The following NALF1 variants were observed in gnomAD, a reference collection of about 807,000 sequenced individuals.
The protein encoded by NALF1 is family with sequence similarity 155 member A.
Under a neutral mutation model 48.4 loss-of-function variants are expected in NALF1, and 3 were observed. The observed-to-expected ratio is 0.06, with a 90% CI of 0.03 to 0.16. The LOEUF is 0.16. Ranked by LOEUF, NALF1 falls within the 10% of genes least tolerant of loss-of-function variation. The pLI, the probability that NALF1 is intolerant of heterozygous loss-of-function variation, is 1.00. For synonymous variants in NALF1, 262 were observed against 245.7 expected (o/e 1.07, Z -0.62); for missense variants, 526 against 571.5 (o/e 0.92, Z 0.81).
At chr13:107,310,201 G>A (rs1482954431) in intron 1 of NALF1, among the ~76,000 whole-genome samples, 1 of 152,094 alleles carries the variant, frequency 6.6e-6, no homozygotes, top group African/African-American at 2.4e-5. Context: ...CTTGAGGTCA[G>A]GAGTTCAAGA....
intron 1 of NALF1, among the ~76,000 whole-genome samples, chr13:107,527,500 C>T (rs1311974734): frequency 1.3e-5 from 2 of 152,152 alleles, no homozygotes; most frequent in African/African-American, 4.8e-5. Flanking sequence ...CAAACACAAA[C>T]ATACACGTTT....
intron 1 of NALF1, among the ~76,000 whole-genome samples, chr13:107,851,355 T>C (rs7337709): frequency 0.26 from 39,750 of 150,588 alleles, 5,262 homozygotes; most frequent in East Asian, 0.47. Flanking sequence ...TTTTTTTTTT[T>C]CTTTAAGTGG....
chr13:107,337,431 C>T (rs1006156972), intron 1 of NALF1, among the ~76,000 whole-genome samples: 3 of 151,988 alleles, frequency 2.0e-5, no homozygotes, highest in African/African-American at 2.4e-5. Flanking sequence ...TCTCTCTTTG[C>T]AATTCTTCAG....
chr13:107,822,380 T>C (rs566874650), intron 1 of NALF1, among the ~76,000 whole-genome samples: 3 of 151,604 alleles, frequency 2.0e-5, no homozygotes, highest in South Asian at 2.1e-4. Flanking sequence ...CCTTTTCCAC[T>C]ACTGCTTCTC....
At chr13:107,517,471 A>C (rs1876095855) in intron 1 of NALF1, among the ~76,000 whole-genome samples, 1 of 151,952 alleles carries the variant, frequency 6.6e-6, no homozygotes, top group Admixed American at 6.6e-5. Flanking sequence ...TCTGCAAAAA[A>C]AATACAAAAA....
At chr13:107,495,022 G>T (rs1435884538) in intron 1 of NALF1, among the ~76,000 whole-genome samples, 1 of 152,192 alleles carries the variant, frequency 6.6e-6, no homozygotes, top group Admixed American at 6.5e-5. Flanking sequence ...TTCCCAGATG[G>T]ACATAGAGGC....
chr13:107,210,557 T>A, intron 2 of NALF1, 27 bp downstream of exon 2: 3 of 1,517,160 alleles, frequency 2.0e-6, no homozygotes, highest in African/African-American at 2.7e-5. Flanking sequence ...CGGAGACTGG[T>A]GTACAGACTC....
chr13:107,306,065 T>A (rs1566480416), intron 1 of NALF1, among the ~76,000 whole-genome samples: 1 of 152,188 alleles, frequency 6.6e-6, no homozygotes, highest in Non-Finnish European at 1.5e-5. Context: ...ATCGGTGATG[T>A]GTGAATAAAA....
chr13:107,228,671 G>C (rs1188460327), intron 1 of NALF1, among the ~76,000 whole-genome samples: 1 of 152,114 alleles, frequency 6.6e-6, no homozygotes, highest in African/African-American at 2.4e-5. Context: ...CTAGGGTGGA[G>C]TACAATGGCC....
chr13:107,743,541 G>A (rs1380729128), intron 1 of NALF1, among the ~76,000 whole-genome samples: 9 of 152,190 alleles, frequency 5.9e-5, no homozygotes, highest in Non-Finnish European at 1.3e-4. Flanking sequence ...CGTTAGAGAT[G>A]ATATTTAAAG....
intron 1 of NALF1, among the ~76,000 whole-genome samples, chr13:107,363,537 T>C (rs1256120881): frequency 6.6e-6 from 1 of 152,204 alleles, no homozygotes; most frequent in African/African-American, 2.4e-5. Context: ...AGGTTGAGGC[T>C]GAAGTGAGCT....
chr13:107,298,154 C>A (rs1186444611), intron 1 of NALF1, among the ~76,000 whole-genome samples: 1 of 151,660 alleles, frequency 6.6e-6, no homozygotes, highest in Non-Finnish European at 1.5e-5. Flanking sequence ...TCGAGACCAT[C>A]CTGGCTAACA....
chr13:107,681,126 C>A (rs1881290901), intron 1 of NALF1, among the ~76,000 whole-genome samples: 1 of 152,108 alleles, frequency 6.6e-6, no homozygotes, highest in Non-Finnish European at 1.5e-5. Context: ...TGGTGCATGA[C>A]CCTATGTTAC....
rs1884060559 is a variant in NALF1 at position 107,414,950 on chromosome 13, C to T, written c.916-204195G>A. 3.3e-5 allele frequency among the ~76,000 whole-genome samples: 5 copies of T among 151,178 alleles called. No individual in the cohort carries two copies. In the South Asian group the frequency reaches 8.4e-4, roughly 25 times the overall value. On this transcript the variant is annotated intron_variant, in intron 1 of 2. Coordinates refer to ENST00000375915, the MANE Select transcript of NALF1 (RefSeq NM_001080396.3). ...AATGTGTTTACCCTTGCACAGTGTT[C>T]TAGAAGCAAGCGTTTCAAAACTTCA...
At position 107,306,517 on chromosome 13, in the gene NALF1, AG is replaced by A. The variant is rs1192023887; in HGVS notation, c.916-95763del. ...GAATAAACTGTCATTTACCGTTTTG[AG>A]GATTAAGGGAAGTGGCTCCGATCAT... On this transcript the variant is annotated intron_variant, in intron 1 of 2. Transcript: ENST00000375915. Among the ~76,000 whole-genome samples the A allele has an allele frequency of 2.0e-5, 3 of 152,200 alleles. No homozygotes were observed. In the East Asian group the frequency reaches 5.8e-4, roughly 29 times the overall value.
Position 107,570,433 on chromosome 13 carries a change from T to A in NALF1, c.915+295249A>T, listed in dbSNP as rs570798870. Among the ~76,000 whole-genome samples, 4 of 152,138 alleles carry A rather than the reference T, an allele frequency of 2.6e-5. No individual in the cohort carries two copies. In the East Asian group the frequency reaches 7.7e-4, roughly 29 times the overall value. The stretch of plus-strand genomic sequence containing the variant: ...AATTTTGTCAAATGTCTTTTCTGTG[T>A]AAATTGATATGATCCCATAATTTTT... On this transcript the variant is annotated intron_variant, in intron 1 of 2. Transcript: ENST00000375915.
intron 1 of NALF1, among the ~76,000 whole-genome samples, chr13:107,266,920 ACAG>A (rs1243474065): frequency 3.3e-5 from 5 of 152,144 alleles, no homozygotes; most frequent in African/African-American, 1.2e-4. Flanking sequence ...TATGGGATGT[ACAG>A]TACAGCCTGG....
rs1878710271 is a variant in NALF1 at position 107,168,337 on chromosome 13, T to C, written c.*2160A>G. On this transcript the variant is annotated 3_prime_UTR_variant, in exon 3 of 3. Coordinates refer to ENST00000375915, the MANE Select transcript of NALF1 (RefSeq NM_001080396.3). The stretch of plus-strand genomic sequence containing the variant: ...CCAAAGTGCTCATTTCTACAAGTGT[T>C]TCACAGTCAACAATTCCATGCAATT... The C allele has an allele frequency of 6.6e-6, 1 of 152,206 alleles. No individual in the cohort carries two copies. The highest frequency in any genetic ancestry group is 2.4e-5 in the African/African-American group (1 of 41,450). 9.4% of individuals were successfully genotyped at this position (152,206 alleles called of 1,614,324 possible). A position where few individuals can be genotyped will look rare whatever the true frequency, so the allele number is the denominator to read the frequency against.
At chr13:107,604,417 C>T (rs1437062386) in intron 1 of NALF1, among the ~76,000 whole-genome samples, 4 of 151,970 alleles carry the variant, frequency 2.6e-5, no homozygotes, top group East Asian at 1.9e-4. Context: ...TTTAGAAGAA[C>T]CAAAATGAAA....
Sources: allele counts gnomAD v4.1 joint callset (sites outside exome capture counted in the v4.1 genomes callset), GRCh38; gene constraint gnomAD v4.1.1; transcripts MANE v1.5; gene names NCBI Gene and HGNC (gene_info 2026-07-23, HGNC 2026-07-21).